The following SLC6A4 variants were observed in gnomAD, a reference collection of about 807,000 sequenced individuals.
SLC6A4 encodes the protein solute carrier family 6 member 4.
In SLC6A4, 22 loss-of-function variants were observed where a neutral mutation model predicts 73.4. That is an observed-to-expected ratio of 0.30 (90% CI 0.21 to 0.43). SLC6A4 has a LOEUF of 0.43. SLC6A4 is among the 20% of genes least tolerant of loss of function. The pLI is 1.00. For synonymous variants in SLC6A4, 270 were observed against 315.5 expected, an observed-to-expected ratio of 0.86 and a Z score of 1.53; for missense variants, 593 against 808.5, an observed-to-expected ratio of 0.73 and a Z score of 3.23.
At chr17:30,213,684 G>A (rs931048776) in intron 8 of SLC6A4, among the ~76,000 whole-genome samples, 3 of 152,190 alleles carry the variant, frequency 2.0e-5, no homozygotes, top group African/African-American at 7.2e-5. Flanking sequence ...GAGATTGATG[G>A]ATGCTGCCAT....
Position 30,211,480 on chromosome 17 carries a change from G to T in SLC6A4, c.1205-56C>A. 1 of 1,090,524 alleles carries T rather than the reference G, an allele frequency of 9.2e-7. No individual in the cohort carries two copies. The highest frequency in any genetic ancestry group is 1.4e-6 in the Non-Finnish European group (1 of 705,074). 67.6% of individuals were successfully genotyped at this position (1,090,524 alleles called of 1,614,324 possible). A position where few individuals can be genotyped will look rare whatever the true frequency, so the allele number is the denominator to read the frequency against. On this transcript the variant is annotated intron_variant, in intron 9 of 14. Coordinates refer to ENST00000650711, the MANE Select transcript of SLC6A4 (RefSeq NM_001045.6). The surrounding 1 kb of genome is among the most constrained non-coding windows in gnomAD (Gnocchi z 4.0). ...TTGACAAGACCTGTCCTACAAAGAT[G>T]TCACAGAGGAAAACTCAGCCACAAC...
chr17:30,213,157 C>T (rs1408129513), intron 8 of SLC6A4, among the ~76,000 whole-genome samples: 2 of 152,230 alleles, frequency 1.3e-5, no homozygotes, highest in Non-Finnish European at 2.9e-5. Flanking sequence ...CCATTTCAAA[C>T]CAGCCTTGTT....
chr17:30,231,169 G>C (rs921873735), intron 1 of SLC6A4, among the ~76,000 whole-genome samples: 1 of 152,040 alleles, frequency 6.6e-6, no homozygotes, highest in Non-Finnish European at 1.5e-5. Flanking sequence ...CTGTGGTTAC[G>C]TACAAGAAGG....
chr17:30,216,701 TTCACTC>T (rs1225937039), intron 6 of SLC6A4, among the ~76,000 whole-genome samples: 1 of 151,888 alleles, frequency 6.6e-6, no homozygotes, highest in Non-Finnish European at 1.5e-5. Context: ...GAGACAGAAT[TTCACTC>T]TGCTGCCCAG....
chr17:30,198,718 A>G (rs1452935145), intron 14 of SLC6A4, among the ~76,000 whole-genome samples, 188 bp from the exon 15 acceptor site: 1 of 151,898 alleles, frequency 6.6e-6, no homozygotes, highest in Non-Finnish European at 1.5e-5. Flanking sequence ...ATATGAATTA[A>G]AATGGTATAT....
intron 1 of SLC6A4, among the ~76,000 whole-genome samples, chr17:30,224,143 C>A (rs1160075136): frequency 6.6e-6 from 1 of 152,008 alleles, no homozygotes; most frequent in Non-Finnish European, 1.5e-5. Flanking sequence ...GGAGGAAGAG[C>A]TTTTCCCTGT....
At position 30,197,343 on chromosome 17, in the gene SLC6A4, G is replaced by A. The variant is rs1905895570; in HGVS notation, c.*1113C>T. The A allele has an allele frequency of 6.6e-6, 1 of 152,382 alleles. No individual in the cohort carries two copies. Among genetic ancestry groups the A allele is most frequent in the African/African-American group, 2.4e-5 (1 of 41,462 alleles). The allele number at this position is 152,382 out of a possible 1,614,324, so 9.4% of individuals were successfully genotyped here. On this transcript the variant is annotated 3_prime_UTR_variant, in exon 15 of 15. Coordinates refer to ENST00000650711, the MANE Select transcript of SLC6A4 (RefSeq NM_001045.6). ...CAGACTCTCCAACTGCTCTTGGAGT[G>A]AAGATGCCTTGGTTTAGGTTAGGGT...
intron 9 of SLC6A4, among the ~76,000 whole-genome samples, chr17:30,212,040 C>T (rs996643212): frequency 2.6e-5 from 4 of 151,942 alleles, no homozygotes; most frequent in Non-Finnish European, 5.9e-5. Context: ...ACAAGAAGGC[C>T]CTGGGACCTC....
chr17:30,218,792 G>T lies in SLC6A4; in HGVS notation c.478+5C>A. 1 of 1,614,050 alleles carries T rather than the reference G, an allele frequency of 6.2e-7. No homozygotes were observed. Among genetic ancestry groups the T allele is most frequent in the South Asian group, 1.1e-5 (1 of 91,064 alleles). The stretch of plus-strand genomic sequence containing the variant: ...CTTACCCACCCCACCGAGCCCTTCA[G>T]TTACCTTTGAAAATCGGGCAGATTT... On this transcript the variant is annotated splice_donor_5th_base_variant and intron_variant, in intron 4 of 14. Transcript: ENST00000650711.
chr17:30,216,146 G>T lies in SLC6A4; in HGVS notation c.908C>A (p.Pro303His), dbSNP rs200924626. 1 of 1,612,422 alleles carries T rather than the reference G, an allele frequency of 6.2e-7. No individual in the cohort carries two copies. The highest frequency in any genetic ancestry group is 1.7e-5 in the Admixed American group (1 of 59,988). Residue 303 changes from proline (P) to histidine (H), a missense_variant, in exon 7 of 15, where the codon CCT (proline) becomes CAT (histidine). Physicochemically the swap from Pro to His is moderately conservative, Grantham distance 77. Coordinates refer to ENST00000650711, the MANE Select transcript of SLC6A4 (RefSeq NM_001045.6). ...SVLLVRGATLPGAWRGVLFYL... is the reference protein window; with the variant it reads ...SVLLVRGATLHGAWRGVLFYL... ...GAAGAGAACACCCCTCCAGGCTCCA[G>T]GGAGGGTGGCACCCCTCACCAGCAG...
At chr17:30,206,757 C>A (rs1333887366) in intron 13 of SLC6A4, among the ~76,000 whole-genome samples, 1 of 113,240 alleles carries the variant, frequency 8.8e-6, no homozygotes, top group Non-Finnish European at 1.6e-5. Flanking sequence ...CTTGCTCTAT[C>A]GCCCAGGCTG....
At chr17:30,212,088 T>A (rs1906404679) in intron 9 of SLC6A4, among the ~76,000 whole-genome samples, 1 of 152,204 alleles carries the variant, frequency 6.6e-6, no homozygotes, top group Non-Finnish European at 1.5e-5. Context: ...TCTCCCTCTG[T>A]TGCTCTTTTC....
chr17:30,221,126 A>G (rs1224012956), intron 3 of SLC6A4, among the ~76,000 whole-genome samples: 1 of 151,326 alleles, frequency 6.6e-6, no homozygotes, highest in Non-Finnish European at 1.5e-5. Flanking sequence ...ACAGGCGCCC[A>G]CCACCATACC....
At chr17:30,203,626 G>A (rs1382082645) in intron 13 of SLC6A4, 1 of 386,606 alleles carries the variant, frequency 2.6e-6, no homozygotes, top group East Asian at 4.9e-5. Flanking sequence ...CGGGGCTGAA[G>A]CCTGCAGCTC....
intron 13 of SLC6A4, 171 bp from the exon 14 acceptor site, chr17:30,203,510 C>T: frequency 1.6e-6 from 1 of 617,710 alleles, no homozygotes; most frequent in Non-Finnish European, 2.8e-6. Context: ...AACTTCTGTA[C>T]CCAAGCTGCA....
Position 30,203,231 on chromosome 17 carries a change from T to A in SLC6A4, c.1759A>T (p.Ile587Phe). The change falls in exon 14 of 15, where the codon ATT (isoleucine) becomes TTT (phenylalanine). Residue 587 changes from isoleucine (I) to phenylalanine (F), a missense_variant. Coordinates refer to ENST00000650711, the MANE Select transcript of SLC6A4 (RefSeq NM_001045.6). ...LGYCIGTSSF[I>F]CIPTYIAYRL... is the part of the protein sequence containing the mutation. ...TAAGCTATATATGTGGGGATGCAAATGAAAGATGAGGTTCCTATGCAGTAA... is the reference window on the plus strand; with the variant it reads ...TAAGCTATATATGTGGGGATGCAAAAGAAAGATGAGGTTCCTATGCAGTAA... 4 of 1,613,546 alleles carry A rather than the reference T, an allele frequency of 2.5e-6. No individual in the cohort carries two copies. The highest frequency in any genetic ancestry group is 3.4e-6 in the Non-Finnish European group (4 of 1,179,596).
chr17:30,218,847 T>G lies in SLC6A4; in HGVS notation c.428A>C (p.His143Pro). The G allele has an allele frequency of 6.2e-7, 1 of 1,613,996 alleles. No individual in the cohort carries two copies. Among genetic ancestry groups the G allele is most frequent in the Non-Finnish European group, 8.5e-7 (1 of 1,179,962 alleles). The part of the protein sequence containing the change: ...FYMELALGQY[H>P]RNGCISIWRK... ...CCATATTGAAATGCATCCATTTCGGTGGTACTGTCCCAGTGCGAGCTCCAT... is the reference window on the plus strand; with the variant it reads ...CCATATTGAAATGCATCCATTTCGGGGGTACTGTCCCAGTGCGAGCTCCAT... Residue 143 changes from histidine (H) to proline (P), a missense_variant, in exon 4 of 15, where the codon CAC becomes CCC. By Grantham distance (77) the His-to-Pro change is moderately conservative (BLOSUM62 -2). Transcript: ENST00000650711.
intron 14 of SLC6A4, 142 bp downstream of exon 14, chr17:30,203,030 G>T: frequency 1.6e-6 from 1 of 621,130 alleles, no homozygotes; most frequent in South Asian, 2.8e-5. Context: ...AGAGGTCTTC[G>T]CCATGGCACA....
intron 1 of SLC6A4, 60 bp from the exon 2 acceptor site, chr17:30,222,975 T>G: frequency 1.9e-6 from 1 of 525,344 alleles, no homozygotes; most frequent in Non-Finnish European, 3.4e-6. Context: ...CGTCCCCCTG[T>G]GCCTCCACTG....
Sources: allele counts gnomAD v4.1 joint callset (sites outside exome capture counted in the v4.1 genomes callset), GRCh38; gene constraint gnomAD v4.1.1; non-coding constraint Gnocchi (gnomAD v3.1); transcripts MANE v1.5; gene names NCBI Gene and HGNC (gene_info 2026-07-23, HGNC 2026-07-21).